The following TULP4 variants were observed in gnomAD, a reference collection of about 807,000 sequenced individuals.
TULP4 encodes the protein TUB like protein 4, also known as tubby-related protein 4.
TULP4 carries 16 observed loss-of-function variants against 129.0 expected under a neutral mutation model. The observed-to-expected ratio is 0.12, with a 90% CI of 0.08 to 0.19. The LOEUF (loss-of-function observed/expected upper bound fraction) is 0.19, where lower values mean the gene tolerates loss of function less well. TULP4 is among the 10% of genes least tolerant of loss of function. TULP4 has a pLI of 1.00. For synonymous variants in TULP4, 998 were observed against 854.0 expected, an observed-to-expected ratio of 1.17 and a Z score of -2.94; for missense variants, 1,842 against 2,059.1, an observed-to-expected ratio of 0.89 and a Z score of 2.04.
chr6:158,449,473 ATTGTGGGGC>A (rs149315190), intron 4 of TULP4, among the ~76,000 whole-genome samples: 2,622 of 152,216 alleles, frequency 0.017, 83 homozygotes, highest in African/African-American at 0.059. Context: ...TCCCTGAGGT[ATTGTGGGGC>A]TTAGCTGCTT....
chr6:158,281,210 C>T (rs827852), upstream of TULP4, among the ~76,000 whole-genome samples: 9,590 of 139,952 alleles, frequency 0.069, 369 homozygotes, highest in East Asian at 0.12. Context: ...AAATTCCTGC[C>T]GTAATTTTTT....
rs111712178 is a variant in TULP4 at position 158,294,836 on chromosome 6, A to G, written n.116+12458A>G. 4.9e-3 allele frequency among the ~76,000 whole-genome samples: 740 copies of G among 152,244 alleles called. 7 individuals are homozygous for G. The highest frequency in any genetic ancestry group is 0.016 in the African/African-American group (682 of 41,534). ...AACCTCCACCTCCCAAGCTCAAGCC[A>G]TCCTCCTACCTCAGTCTCCTGAGTA... is the stretch of plus-strand genomic sequence containing the variant. On this transcript the variant is annotated intron_variant and non_coding_transcript_variant, in intron 1 of 1. Transcript: ENST00000432358.
chr6:158,240,062 C>G (rs1777840668), intron 1 of TULP4, among the ~76,000 whole-genome samples: 1 of 108,012 alleles, frequency 9.3e-6, no homozygotes, highest in African/African-American at 3.2e-5. Flanking sequence ...CACCTCCCTC[C>G]CGGACGGGGC....
rs149555566 is a variant in TULP4, at chr6:158,357,893, C to G, written c.252+43625C>G. ...AAAGCATAGATGACTGAAGATCCATCAGGCTTGGAGTCTTCATTACATACT... is the reference window on the plus strand; with the variant it reads ...AAAGCATAGATGACTGAAGATCCATGAGGCTTGGAGTCTTCATTACATACT... On this transcript the variant is annotated intron_variant, in intron 1 of 13. Coordinates refer to ENST00000367097, the MANE Select transcript of TULP4 (RefSeq NM_020245.5). Among the ~76,000 whole-genome samples, 13 of 152,308 alleles carry G rather than the reference C, an allele frequency of 8.5e-5. No homozygotes were observed. The East Asian group carries it at 2.5e-3, about 29-fold the overall frequency.
Position 158,502,440 on chromosome 6 carries a change from G to A in TULP4, c.2777G>A (p.Arg926Lys). ...LPGPGSSATL[R>K]LTATEKKVPQ... is the part of the protein sequence containing the mutation. The stretch of plus-strand genomic sequence containing the variant: ...GGCCCGGGTAGCTCTGCCACCTTGA[G>A]GCTCACGGCCACTGAGAAGAAGGTC... Residue 926 changes from arginine (R) to lysine (K), a missense_variant, in exon 13 of 14, where the codon AGG becomes AAG. Physicochemically the swap from Arg to Lys is conservative, Grantham distance 26. Coordinates refer to ENST00000367097, the MANE Select transcript of TULP4 (RefSeq NM_020245.5). 6.2e-7 allele frequency: 1 copy of A among 1,613,384 alleles called. No homozygotes were observed.
At chr6:158,407,665 A>G (rs1289022928) in intron 1 of TULP4, among the ~76,000 whole-genome samples, 1 of 152,252 alleles carries the variant, frequency 6.6e-6, no homozygotes, top group East Asian at 1.9e-4. Flanking sequence ...TTTAAAAGGT[A>G]AACACTGATA....
chr6:158,332,408 GAGTTGTTGGGC>G (rs1286932354), intron 1 of TULP4, among the ~76,000 whole-genome samples: 1 of 151,866 alleles, frequency 6.6e-6, no homozygotes, highest in Non-Finnish European at 1.5e-5. Context: ...AGCTGGTCTA[GAGTTGTTGGGC>G]AATCAGTAAA....
At chr6:158,390,414 A>G (rs1408246727) in intron 1 of TULP4, among the ~76,000 whole-genome samples, 2 of 152,148 alleles carry the variant, frequency 1.3e-5, no homozygotes, top group Non-Finnish European at 2.9e-5. Flanking sequence ...TGGATATATC[A>G]TTATTTAATT....
At chr6:158,506,398 A>T in intron 13 of TULP4, among the ~76,000 whole-genome samples, 180 bp from the exon 14 acceptor site, 1 of 151,350 alleles carries the variant, frequency 6.6e-6, no homozygotes, top group South Asian at 2.1e-4. Context: ...CGCCCGGCTA[A>T]TTTTTTGTAT....
At chr6:158,288,102 C>G (rs1408619300) in intron 1 of TULP4, among the ~76,000 whole-genome samples, 4 of 152,154 alleles carry the variant, frequency 2.6e-5, no homozygotes, top group Non-Finnish European at 5.9e-5. Context: ...GCAAGTTGCT[C>G]AAAACCTTTC....
intron 2 of TULP4, among the ~76,000 whole-genome samples, chr6:158,416,188 G>T (rs1401667419): frequency 6.6e-6 from 1 of 152,188 alleles, no homozygotes; most frequent in Non-Finnish European, 1.5e-5. Context: ...ATTAGATGGT[G>T]CCCACCCAGA....
chr6:158,346,324 A>G (rs1182438621), intron 1 of TULP4, among the ~76,000 whole-genome samples: 1 of 152,246 alleles, frequency 6.6e-6, no homozygotes, highest in African/African-American at 2.4e-5. Flanking sequence ...ATAAATGTCC[A>G]TGAAGTCTTC....
At chr6:158,303,798 T>G (rs1376227874) in intron 1 of TULP4, among the ~76,000 whole-genome samples, 1 of 152,256 alleles carries the variant, frequency 6.6e-6, no homozygotes, top group Non-Finnish European at 1.5e-5. Context: ...CAAACTATTT[T>G]CCAGAGTGGT....
chr6:158,353,539 G>A (rs1338714779), intron 1 of TULP4, among the ~76,000 whole-genome samples: 1 of 152,032 alleles, frequency 6.6e-6, no homozygotes, highest in Non-Finnish European at 1.5e-5. Flanking sequence ...AATTGAGGGT[G>A]GTGTACCTAG....
chr6:158,290,316 T>G (rs1778912312), intron 1 of TULP4, among the ~76,000 whole-genome samples: 1 of 152,192 alleles, frequency 6.6e-6, no homozygotes, highest in South Asian at 2.1e-4. Flanking sequence ...TGCTCTCCAT[T>G]TGTTGTCTCC....
At chr6:158,242,606 T>C in intron 1 of TULP4, 1 of 710,900 alleles carries the variant, frequency 1.4e-6, no homozygotes, top group South Asian at 1.5e-5. Context: ...TGGCTAACAG[T>C]TTGGTGCAAG....
chr6:158,242,043 C>G, intron 1 of TULP4: 2 of 794,708 alleles, frequency 2.5e-6, no homozygotes, highest in Non-Finnish European at 4.6e-6. Context: ...CATCTAGTAA[C>G]CCTACATCCG....
intron 1 of TULP4, among the ~76,000 whole-genome samples, chr6:158,315,924 C>CA (rs1279774962): frequency 6.6e-6 from 1 of 152,250 alleles, no homozygotes; most frequent in African/African-American, 2.4e-5. Context: ...GATACCACCA[C>CA]ATGGGGATTA....
At chr6:158,506,508 G>C (rs1221105379) in intron 13 of TULP4, 70 bp from the exon 14 acceptor site, 3 of 1,020,790 alleles carry the variant, frequency 2.9e-6, no homozygotes, top group Admixed American at 1.7e-5. Context: ...TGGGACTACA[G>C]GCGTGAGCCA....
Sources: gnomAD v4.1 joint callset for allele counts (sites outside exome capture counted in the v4.1 genomes callset) on GRCh38, gnomAD v4.1.1 for gene constraint, MANE v1.5 for transcripts, NCBI Gene and HGNC (gene_info 2026-07-23, HGNC 2026-07-21) for gene names.